The following TACC2 variants were observed in gnomAD, a reference collection of about 807,000 sequenced individuals.
TACC2 encodes the protein transforming acidic coiled-coil containing protein 2.
Under a neutral mutation model 227.3 loss-of-function variants are expected in TACC2, and 137 were observed. The observed-to-expected ratio is 0.60, with a 90% CI of 0.52 to 0.69. The LOEUF (loss-of-function observed/expected upper bound fraction) is 0.69, where lower values mean the gene tolerates loss of function less well. Ranked by LOEUF, TACC2 falls within the 30% of genes least tolerant of loss-of-function variation. The pLI is 0.00. For synonymous variants in TACC2, 1,523 were observed against 1,487.5 expected (o/e 1.02, Z -0.55); for missense variants, 3,470 against 3,694.4 (o/e 0.94, Z 1.57).
At chr10:122,081,363 C>CA (rs71976086) in intron 3 of TACC2, among the ~76,000 whole-genome samples, 125,202 of 138,822 alleles carry the variant, frequency 0.9, 56,794 homozygotes, top group East Asian at 0.98. Flanking sequence ...ACTAAAACTA[C>CA]AAAAAAAAAA....
intron 1 of TACC2, among the ~76,000 whole-genome samples, chr10:122,005,016 T>A (rs1954885058): frequency 6.6e-6 from 1 of 152,190 alleles, no homozygotes; most frequent in Non-Finnish European, 1.5e-5. Context: ...TTGGATGAAA[T>A]ACATCATCTA....
intron 5 of TACC2, among the ~76,000 whole-genome samples, chr10:122,090,573 A>G (rs569032882): frequency 6.7e-6 from 1 of 150,166 alleles, no homozygotes; most frequent in African/African-American, 2.4e-5. Context: ...GAAAAAAAAA[A>G]AAGAAAGAAA....
chr10:122,088,805 T>C (rs2080381593), intron 5 of TACC2: 1 of 1,457,406 alleles, frequency 6.9e-7, no homozygotes, highest in Non-Finnish European at 9.2e-7. Context: ...GTTGCTTTCA[T>C]ACTTGAGTTT....
intron 8 of TACC2, among the ~76,000 whole-genome samples, chr10:122,201,746 A>G (rs2094861835): frequency 6.6e-6 from 1 of 151,924 alleles, no homozygotes; most frequent in African/African-American, 2.4e-5. Flanking sequence ...CCGGGAAGAC[A>G]GGGGTATAAC....
chr10:122,046,301 C>A (rs1408563200), intron 2 of TACC2, among the ~76,000 whole-genome samples: 5 of 150,622 alleles, frequency 3.3e-5, no homozygotes, highest in Admixed American at 2.7e-4. Context: ...GGTGAAACCC[C>A]GTCTCTACTA....
chr10:122,143,480 G>GT (rs386748391), intron 6 of TACC2, 92 bp from the exon 7 acceptor site: 2 of 1,428,692 alleles, frequency 1.4e-6, no homozygotes, highest in South Asian at 1.3e-5. Context: ...CCATGTGTGG[G>GT]CGGGTGGGTT....
At chr10:122,106,332 G>A (rs1217717183) in intron 5 of TACC2, among the ~76,000 whole-genome samples, 1 of 152,230 alleles carries the variant, frequency 6.6e-6, no homozygotes, top group East Asian at 1.9e-4. Context: ...ATGAGCATTT[G>A]GGCTAATTTC....
At chr10:122,216,957 C>T (rs751552780) in intron 11 of TACC2, 129 bp downstream of exon 11, 48 of 1,534,050 alleles carry the variant, frequency 3.1e-5, no homozygotes, top group Admixed American at 7.8e-5. Context: ...ATCGTCTGCA[C>T]GTCTCCCGCT....
chr10:122,188,907 G>A (rs1359394508), intron 7 of TACC2, among the ~76,000 whole-genome samples: 3 of 152,216 alleles, frequency 2.0e-5, no homozygotes, highest in African/African-American at 7.2e-5. Context: ...AATTCTAGCA[G>A]CCTGGCTTGC....
At chr10:122,172,175 A>G (rs2093504841) in intron 7 of TACC2, among the ~76,000 whole-genome samples, 1 of 152,248 alleles carries the variant, frequency 6.6e-6, no homozygotes, top group South Asian at 2.1e-4. Flanking sequence ...CTGCAGGGAT[A>G]TGACCCATGA....
chr10:122,033,343 A>AT (rs1959187263), intron 2 of TACC2, among the ~76,000 whole-genome samples: 1 of 152,192 alleles, frequency 6.6e-6, no homozygotes, highest in South Asian at 2.1e-4. Context: ...TTATGTTTAG[A>AT]TTTTTTAGGA....
chr10:122,034,758 C>T lies in TACC2; in HGVS notation c.33+12744C>T, dbSNP rs548180645. ...CAGCCTGACCAACATGGTGAAACCCCGTCTTTACTAAAAATACAAAAATTA... is the reference window on the plus strand; with the variant it reads ...CAGCCTGACCAACATGGTGAAACCCTGTCTTTACTAAAAATACAAAAATTA... On this transcript the variant is annotated intron_variant, in intron 2 of 22. Coordinates refer to ENST00000369005, the MANE Select transcript of TACC2 (RefSeq NM_206862.4). 2.6e-5 allele frequency among the ~76,000 whole-genome samples: 4 copies of T among 152,046 alleles called. No homozygotes were observed. The South Asian group carries it at 6.2e-4, about 24-fold the overall frequency.
chr10:122,085,436 G>A lies in TACC2; in HGVS notation c.2936G>A (p.Ser979Asn). 6.2e-7 allele frequency: 1 copy of A among 1,613,874 alleles called. No homozygotes were observed. Among genetic ancestry groups the A allele is most frequent in the Non-Finnish European group, 8.5e-7 (1 of 1,180,048 alleles). Residue 979 changes from serine to asparagine, a missense_variant, in exon 4 of 23, where the codon AGC becomes AAC. Coordinates refer to ENST00000369005, the MANE Select transcript of TACC2 (RefSeq NM_206862.4). ...GACTTTTCTCTTGCAGGGAACTTCAGCAGAAAGGAAACTTGCTGCACTGGG... is the reference window on the plus strand; with the variant it reads ...GACTTTTCTCTTGCAGGGAACTTCAACAGAAAGGAAACTTGCTGCACTGGG... Reference protein sequence around the residue: ...LKDFSLAGNFSRKETCCTGQG... With the variant: ...LKDFSLAGNFNRKETCCTGQG...
Position 122,103,721 on chromosome 10 carries a change from G to A in TACC2, c.5573+15130G>A, listed in dbSNP as rs755392970. Among the ~76,000 whole-genome samples, 6 of 152,150 alleles carry A rather than the reference G, an allele frequency of 3.9e-5. No homozygotes were observed. In the South Asian group the frequency reaches 8.3e-4, roughly 21 times the overall value. ...TACTGTCCTGTGGGAGAAGAAGAGC[G>A]TCATGGGGCAAGGTGGTCCTGAGCT... On this transcript the variant is annotated intron_variant, in intron 5 of 22. Coordinates refer to ENST00000369005, the MANE Select transcript of TACC2 (RefSeq NM_206862.4).
In TACC2 at chr10:122,043,776, C is replaced by T. The variant is rs568743583; in HGVS notation, c.34-6662C>T. 1.8e-3 allele frequency among the ~76,000 whole-genome samples: 272 copies of T among 152,268 alleles called. 1 individual carries two copies. The highest frequency in any genetic ancestry group is 6.2e-3 in the African/African-American group (257 of 41,566). On this transcript the variant is annotated intron_variant, in intron 2 of 22. Coordinates refer to ENST00000369005, the MANE Select transcript of TACC2 (RefSeq NM_206862.4). ...TGTACTTTTAGTAGAGATGAGGTTT[C>T]GCCATGTTGGCCAGCCTGGGTTCGA...
intron 11 of TACC2, among the ~76,000 whole-genome samples, chr10:122,218,242 C>T (rs897396052): frequency 6.6e-6 from 1 of 152,176 alleles, no homozygotes; most frequent in South Asian, 2.1e-4. Context: ...CGCGCCTGAC[C>T]GATTTCTAAC....
chr10:122,005,698 C>CT (rs79459877), intron 1 of TACC2, among the ~76,000 whole-genome samples: 4 of 66,596 alleles, frequency 6.0e-5, no homozygotes, highest in African/African-American at 1.9e-4. Context: ...TTTTTTTTTT[C>CT]TTTTTTTTTT....
At chr10:122,127,472 T>C (rs577247070) in intron 5 of TACC2, among the ~76,000 whole-genome samples, 18 of 152,324 alleles carry the variant, frequency 1.2e-4, no homozygotes, top group African/African-American at 4.1e-4. Context: ...GCAGAAGCAC[T>C]TGTTGATAGT....
intron 5 of TACC2, among the ~76,000 whole-genome samples, chr10:122,099,965 C>G (rs961710950): frequency 3.3e-5 from 5 of 152,122 alleles, no homozygotes; most frequent in African/African-American, 1.2e-4. Context: ...GACACTTTTG[C>G]TTTCAGAAAC....
Sources: gnomAD v4.1 joint callset for allele counts (sites outside exome capture counted in the v4.1 genomes callset) on GRCh38, gnomAD v4.1.1 for gene constraint, MANE v1.5 for transcripts, NCBI Gene and HGNC (gene_info 2026-07-23, HGNC 2026-07-21) for gene names.